ITGAE: variants seen among roughly 807,000 people sequenced by gnomAD.
The protein encoded by ITGAE is integrin subunit alpha E, also known as integrin alpha-E.
Under a neutral mutation model 136.5 loss-of-function variants are expected in ITGAE, and 99 were observed. The observed-to-expected ratio is 0.73, with a 90% CI of 0.62 to 0.86. The LOEUF is 0.86. ITGAE is among the 40% of genes least tolerant of loss of function. The probability of loss-of-function intolerance (pLI) is 0.00; values close to 1 mark genes in which losing one functional copy is unlikely to be tolerated. For missense variants in ITGAE, 1,447 were observed against 1,515.3 expected (o/e 0.95, Z 0.75); for synonymous variants, 613 against 591.8 (o/e 1.04, Z -0.52).
chr17:3,791,516 C>T (rs2143473994), intron 1 of ITGAE, among the ~76,000 whole-genome samples: 1 of 152,260 alleles, frequency 6.6e-6, no homozygotes, highest in Non-Finnish European at 1.5e-5. Flanking sequence ...CTCCTGACCT[C>T]AGGTGATCCA....
intron 20 of ITGAE, among the ~76,000 whole-genome samples, chr17:3,738,709 A>G (rs2051516359): frequency 6.6e-6 from 1 of 152,202 alleles, no homozygotes; most frequent in Non-Finnish European, 1.5e-5. Flanking sequence ...TAAACAGCTA[A>G]GCGTGGCTGG....
At chr17:3,740,654 G>A (rs923368481) in intron 19 of ITGAE, among the ~76,000 whole-genome samples, 1 of 152,250 alleles carries the variant, frequency 6.6e-6, no homozygotes, top group South Asian at 2.1e-4. Flanking sequence ...GGGATTACAG[G>A]TGTGAGCCAC....
intron 1 of ITGAE, among the ~76,000 whole-genome samples, chr17:3,787,945 T>C (rs2052839502): frequency 6.6e-6 from 1 of 152,184 alleles, no homozygotes. Context: ...CGTCTTGGCC[T>C]CCCAAAGTGC....
chr17:3,725,866 G>A (rs748403043), intron 26 of ITGAE: 4 of 1,600,752 alleles, frequency 2.5e-6, no homozygotes, highest in East Asian at 4.5e-5. Context: ...GCATCACTGC[G>A]CTTTGAGCAC....
intron 22 of ITGAE, among the ~76,000 whole-genome samples, chr17:3,732,079 A>AAC (rs1222298804): frequency 6.8e-6 from 1 of 146,046 alleles, no homozygotes; most frequent in Non-Finnish European, 1.6e-5. Flanking sequence ...CCATCTCAAA[A>AAC]ACAAACAAAC....
chr17:3,729,384 C>T, intron 24 of ITGAE, 94 bp downstream of exon 24: 2 of 817,266 alleles, frequency 2.4e-6, no homozygotes, highest in African/African-American at 1.7e-5. Flanking sequence ...TGTCCACATT[C>T]ATCCTGACCA....
chr17:3,722,943 G>A (rs2051087738), intron 28 of ITGAE, among the ~76,000 whole-genome samples: 2 of 152,212 alleles, frequency 1.3e-5, no homozygotes, highest in African/African-American at 4.8e-5. Context: ...CAACAGCCCT[G>A]GCAAGAAAGG....
intron 11 of ITGAE, 26 bp from the exon 12 acceptor site, chr17:3,755,287 G>C (rs1359765622): frequency 6.5e-7 from 1 of 1,542,780 alleles, no homozygotes; most frequent in Non-Finnish European, 8.7e-7. Context: ...ATGGGGCCCA[G>C]ATGAGTGGGA....
intron 2 of ITGAE, among the ~76,000 whole-genome samples, chr17:3,777,215 C>T (rs1419561727): frequency 5.9e-5 from 9 of 152,156 alleles, no homozygotes; most frequent in Non-Finnish European, 1.0e-4. Flanking sequence ...CCCGCCTCGG[C>T]CTCCCAAAGT....
intron 29 of ITGAE, chr17:3,717,443 G>C (rs1877920784): frequency 6.6e-6 from 1 of 152,172 alleles, no homozygotes; most frequent in Non-Finnish European, 1.5e-5. Flanking sequence ...TTTTCCAAAG[G>C]CTCTCCCAAT....
chr17:3,725,222 A>G lies in ITGAE; in HGVS notation c.3085-1478T>C, dbSNP rs762315941. On this transcript the variant is annotated intron_variant, in intron 26 of 30. Coordinates refer to ENST00000263087, the MANE Select transcript of ITGAE (RefSeq NM_002208.5). ...CAAACCGGCCTGTCATGAACAGAAC[A>G]AGTGGTGCTCCGTCCTCTTGGCACT... 23 of 1,614,052 alleles carry G rather than the reference A, an allele frequency of 1.4e-5. No homozygotes were observed. In the South Asian group the frequency reaches 1.5e-4, roughly 11 times the overall value.
chr17:3,753,171 C>G, intron 14 of ITGAE, 119 bp downstream of exon 14: 1 of 1,131,546 alleles, frequency 8.8e-7, no homozygotes, highest in Non-Finnish European at 1.2e-6. Flanking sequence ...AGCCTGAGCA[C>G]CTCCCCATCA....
rs778037688 is a variant in ITGAE, at chr17:3,745,894, T to A, written c.2189A>T (p.Asp730Val). ...TCTCCTCTGCTTCCCCACATCCACATCCAGCGTGAAGTTGAGAAGTGCCTC... is the reference window on the plus strand; with the variant it reads ...TCTCCTCTGCTTCCCCACATCCACAACCAGCGTGAAGTTGAGAAGTGCCTC... ...LREALLNFTL[D>V]VDVGKQRRRL... is the part of the protein sequence containing the mutation. Residue 730 changes from aspartate (D) to valine (V), a missense_variant, in exon 18 of 31, where the codon GAT becomes GTT. This residue lies in a region of ITGAE where 1,031 missense variants were observed against 1,011.4 expected (regional missense o/e 1.02). Transcript: ENST00000263087. 106 of 1,613,748 alleles carry A rather than the reference T, an allele frequency of 6.6e-5. No individual in the cohort carries two copies. The highest frequency in any genetic ancestry group is 8.6e-5 in the Non-Finnish European group (102 of 1,179,990).
chr17:3,728,413 G>A, intron 24 of ITGAE: 1 of 398,080 alleles, frequency 2.5e-6, no homozygotes, highest in Non-Finnish European at 4.3e-6. Context: ...TTGCTCTGTT[G>A]CCCAGGCTGG....
At chr17:3,755,934 C>T (rs201569511) in intron 10 of ITGAE, 37 bp from the exon 11 acceptor site, 72 of 1,560,368 alleles carry the variant, frequency 4.6e-5, no homozygotes, top group Non-Finnish European at 5.9e-5. Flanking sequence ...TGCTGTGGGC[C>T]GAGGTGAAGG....
In ITGAE at chr17:3,756,964, C is replaced by T; in HGVS notation, c.1171+20G>A. On this transcript the variant is annotated intron_variant, in intron 10 of 30. Coordinates refer to ENST00000263087, the MANE Select transcript of ITGAE (RefSeq NM_002208.5). ...ATAGGCTCGGGCCTCCTGCGGTGGC[C>T]TGGGTCCCGGAGCCCTCACCTTCCA... is the stretch of plus-strand genomic sequence containing the variant. 1 of 1,602,222 alleles carries T rather than the reference C, an allele frequency of 6.2e-7. No individual in the cohort carries two copies.
chr17:3,770,298 T>C (rs2052390257), intron 2 of ITGAE, among the ~76,000 whole-genome samples: 1 of 151,626 alleles, frequency 6.6e-6, no homozygotes, highest in South Asian at 2.1e-4. Context: ...TTTTTTTTTT[T>C]TTGGTATCTT....
intron 18 of ITGAE, 120 bp from the exon 19 acceptor site, chr17:3,743,737 C>G: frequency 3.9e-6 from 4 of 1,030,770 alleles, no homozygotes; most frequent in Non-Finnish European, 5.3e-6. Flanking sequence ...GAGTCTTGCT[C>G]TGTTGCCCAG....
At position 3,753,848 on chromosome 17, in the gene ITGAE, C is replaced by T. The variant is rs2143021132; in HGVS notation, c.1462G>A (p.Ala488Thr). Residue 488 changes from alanine (A) to threonine (T), a missense_variant, in exon 13 of 31, where the codon GCC becomes ACC. Physicochemically the swap from Ala to Thr is moderately conservative, Grantham distance 58 (BLOSUM62 0). Coordinates refer to ENST00000263087, the MANE Select transcript of ITGAE (RefSeq NM_002208.5). ...CCCTCCTTCTGGAGCTCAAACACGG[C>T]CCCATGATGTTTGTACCGTGGAGCC... is the stretch of plus-strand genomic sequence containing the variant. Reference protein sequence around the residue: ...AGAPRYKHHGAVFELQKEGRE... With the variant: ...AGAPRYKHHGTVFELQKEGRE... The T allele has an allele frequency of 1.2e-6, 2 of 1,614,164 alleles. No homozygotes were observed. The highest frequency in any genetic ancestry group is 2.2e-5 in the East Asian group (1 of 44,882).
Sources: gnomAD v4.1 joint callset for allele counts (sites outside exome capture counted in the v4.1 genomes callset) on GRCh38, gnomAD v4.1.1 for gene constraint, gnomAD v4.1.1 regional missense constraint, MANE v1.5 for transcripts, NCBI Gene and HGNC (gene_info 2026-07-23, HGNC 2026-07-21) for gene names.